Variants in WDR59 observed in about 807,000 individuals in gnomAD.
WDR59 encodes WD repeat domain 59.
In WDR59, 100 loss-of-function variants were observed where a neutral mutation model predicts 131.2. That is an observed-to-expected ratio of 0.76 (90% confidence interval 0.65 to 0.90). The LOEUF (loss-of-function observed/expected upper bound fraction) is 0.90. Among genes scored for constraint, WDR59 ranks in the 40% least tolerant of loss-of-function variants. WDR59 has a pLI of 0.00. For missense variants in WDR59, 1,203 were observed against 1,262.2 expected, an observed-to-expected ratio of 0.95 and a Z score of 0.71; for synonymous variants, 601 against 466.2, an observed-to-expected ratio of 1.29 and a Z score of -3.72.
intron 20 of WDR59, among the ~76,000 whole-genome samples, chr16:74,890,455 A>G (rs1375928252): frequency 2.0e-5 from 3 of 152,080 alleles, no homozygotes; most frequent in East Asian, 1.9e-4. Context: ...CCGGCCTCAC[A>G]TGACTTTTTA....
At chr16:74,900,969 G>T (rs1347982683) in intron 18 of WDR59, among the ~76,000 whole-genome samples, 1 of 152,144 alleles carries the variant, frequency 6.6e-6, no homozygotes, top group Admixed American at 6.5e-5. Context: ...CATGGTGTTG[G>T]GCACCTGTAA....
intron 7 of WDR59, among the ~76,000 whole-genome samples, chr16:74,941,113 GGTGGGAGGA>G (rs1361395183): frequency 6.6e-6 from 1 of 151,886 alleles, no homozygotes; most frequent in Non-Finnish European, 1.5e-5. Context: ...GGGAGGCTGA[GGTGGGAGGA>G]TCGCTTGACC....
At chr16:74,947,041 T>C (rs2032689237) in intron 6 of WDR59, among the ~76,000 whole-genome samples, 2 of 152,250 alleles carry the variant, frequency 1.3e-5, no homozygotes, top group Admixed American at 1.3e-4. Context: ...CAGGAAGTGC[T>C]GGGAATATTC....
intron 1 of WDR59, among the ~76,000 whole-genome samples, chr16:74,977,508 G>T (rs1183688080): frequency 1.3e-5 from 2 of 151,866 alleles, no homozygotes; most frequent in African/African-American, 4.8e-5. Flanking sequence ...CTAACACGGT[G>T]AAACTCCATC....
At position 74,903,931 on chromosome 16, in the gene WDR59, C is replaced by A; in HGVS notation, c.1866+16G>T. On this transcript the variant is annotated intron_variant, in intron 18 of 25. Transcript: ENST00000262144. Reference sequence around the variant, plus strand: ...GAGAAGGGGTAAGAATCAAAGGCTACGGCTCTGGCACTTACCCGCTCCTTG... The same window carrying A: ...GAGAAGGGGTAAGAATCAAAGGCTAAGGCTCTGGCACTTACCCGCTCCTTG... 1.9e-6 allele frequency: 3 copies of A among 1,601,224 alleles called. No homozygotes were observed. The highest frequency in any genetic ancestry group is 1.1e-5 in the South Asian group (1 of 89,050).
chr16:74,885,791 G>A lies in WDR59; in HGVS notation c.2551C>T (p.Leu851=), dbSNP rs562579301. 1.9e-6 allele frequency: 3 copies of A among 1,609,672 alleles called. No individual in the cohort carries two copies. Among genetic ancestry groups the A allele is most frequent in the African/African-American group, 2.7e-5 (2 of 74,656 alleles). ...AATTGCTGGGTATTGGCGGGGTCCA[G>A]GAGCCTGGATAAAGTTAAAAAGATT... The part of the protein sequence containing the change: ...RDQHDKNKRL[L]DPANTQQFDD... The change falls in exon 25 of 26, where the codon CTG becomes TTG. Residue 851 remains leucine, a synonymous_variant. Transcript: ENST00000262144.
chr16:74,897,287 G>C (rs1965343182), intron 18 of WDR59, among the ~76,000 whole-genome samples: 1 of 152,184 alleles, frequency 6.6e-6, no homozygotes, highest in African/African-American at 2.4e-5. Context: ...CCAAGATGCT[G>C]CATTTCAGGC....
chr16:74,893,643 AT>A, intron 19 of WDR59, 35 bp downstream of exon 19: 1 of 1,566,100 alleles, frequency 6.4e-7, no homozygotes, highest in East Asian at 2.3e-5. Flanking sequence ...TCCTGGCTAA[AT>A]GATGAGTGCA....
In WDR59 at chr16:74,956,685, G is replaced by T. The variant is rs371783783; in HGVS notation, c.105-75C>A. On this transcript the variant is annotated intron_variant, in intron 2 of 25. Transcript: ENST00000262144. ...GCATTAAGATAGAAAAGCACAATTG[G>T]AATTGCATACAATTTGCAAGCAGTG... is the stretch of plus-strand genomic sequence containing the variant. The T allele has an allele frequency of 3.1e-5, 48 of 1,540,962 alleles. No individual in the cohort carries two copies. In the African/African-American group the frequency reaches 5.0e-4, roughly 16 times the overall value.
In WDR59 at chr16:74,942,718, C is replaced by G. The variant is rs139174707; in HGVS notation, c.534+20G>C. On this transcript the variant is annotated intron_variant, in intron 7 of 25. Transcript: ENST00000262144. ...GGGAGGGATCAAAGACCAATAAGGG[C>G]GAAAAAAGAGATTACTCACCCTCTT... 78 of 1,611,448 alleles carry G rather than the reference C, an allele frequency of 4.8e-5. No homozygotes were observed. In the African/African-American group the frequency reaches 6.4e-4, roughly 13 times the overall value.
chr16:74,965,592 G>A (rs1225095348), intron 2 of WDR59, among the ~76,000 whole-genome samples, 181 bp downstream of exon 2: 3 of 152,090 alleles, frequency 2.0e-5, no homozygotes, highest in Non-Finnish European at 4.4e-5. Flanking sequence ...TACCTATTAG[G>A]GCAGAGATTA....
chr16:74,886,159 C>A, intron 24 of WDR59, 111 bp downstream of exon 24: 1 of 1,278,380 alleles, frequency 7.8e-7, no homozygotes. Context: ...ACCTAGTGAC[C>A]GGGTAAGATT....
chr16:74,964,575 TA>T (rs1219347342), intron 2 of WDR59, among the ~76,000 whole-genome samples: 1 of 152,022 alleles, frequency 6.6e-6, no homozygotes, highest in Non-Finnish European at 1.5e-5. Context: ...TATACTTTTT[TA>T]AAAAAGGTAA....
chr16:74,945,378 G>A (rs555448262), intron 6 of WDR59, among the ~76,000 whole-genome samples: 1 of 151,992 alleles, frequency 6.6e-6, no homozygotes, highest in East Asian at 2.0e-4. Context: ...TCGGGAGGCT[G>A]AGGCAGGAGA....
chr16:74,885,882 A>T, intron 24 of WDR59, 87 bp from the exon 25 acceptor site: 2 of 1,510,142 alleles, frequency 1.3e-6, no homozygotes, highest in Non-Finnish European at 1.8e-6. Flanking sequence ...CCCTTCTTAA[A>T]GCAACAGTCC....
intron 2 of WDR59, among the ~76,000 whole-genome samples, chr16:74,958,137 G>A (rs1330558364): frequency 3.9e-5 from 6 of 152,090 alleles, no homozygotes; most frequent in African/African-American, 1.4e-4. Flanking sequence ...GCAGAAAGTG[G>A]GCACTTCAGG....
At chr16:74,948,696 A>C (rs1291933385) in intron 5 of WDR59, 140 bp from the exon 6 acceptor site, 1 of 729,430 alleles carries the variant, frequency 1.4e-6, no homozygotes, top group Admixed American at 2.0e-5. Context: ...GGGCCTTAAA[A>C]AGAAGTCTAA....
intron 25 of WDR59, among the ~76,000 whole-genome samples, chr16:74,878,159 G>C (rs761341450): frequency 1.3e-5 from 2 of 152,098 alleles, no homozygotes; most frequent in Admixed American, 6.6e-5. Context: ...AAGAGCTCTC[G>C]TATCTATTAA....
chr16:74,894,014 C>T, intron 18 of WDR59: 1 of 548,060 alleles, frequency 1.8e-6, no homozygotes, highest in Non-Finnish European at 3.1e-6. Flanking sequence ...TAAGCACCTA[C>T]TGCCAGGCTA....
Sources: allele counts gnomAD v4.1 joint callset (sites outside exome capture counted in the v4.1 genomes callset), GRCh38; gene constraint gnomAD v4.1.1; transcripts MANE v1.5; gene names NCBI Gene and HGNC (gene_info 2026-07-23, HGNC 2026-07-21).